IQSEC1: variants seen among roughly 807,000 people sequenced by gnomAD.
The protein encoded by IQSEC1 is IQ motif and SEC7 domain-containing protein 1.
In IQSEC1, 31 loss-of-function variants were observed where a neutral mutation model predicts 91.0. The observed-to-expected ratio is 0.34, with a 90% CI of 0.26 to 0.46. The LOEUF (loss-of-function observed/expected upper bound fraction) is 0.46, where lower values mean the gene tolerates loss of function less well. Ranked by LOEUF, IQSEC1 falls within the 20% of genes least tolerant of loss-of-function variation. The pLI is 1.00. For missense variants in IQSEC1, 1,388 were observed against 1,575.6 expected (o/e 0.88, Z 2.02); for synonymous variants, 699 against 662.6 (o/e 1.05, Z -0.84).
intron 2 of IQSEC1, among the ~76,000 whole-genome samples, chr3:13,091,053 G>A (rs1398337093): frequency 6.6e-6 from 1 of 152,172 alleles, no homozygotes; most frequent in Non-Finnish European, 1.5e-5. Context: ...CTGCCCTGAT[G>A]ACCCATTCTG....
chr3:12,968,948 C>T (rs1478161190), intron 1 of IQSEC1, among the ~76,000 whole-genome samples: 1 of 152,192 alleles, frequency 6.6e-6, no homozygotes, highest in Non-Finnish European at 1.5e-5. Flanking sequence ...GAGGGCAGCC[C>T]CTAAAGCCAG....
intron 1 of IQSEC1, among the ~76,000 whole-genome samples, chr3:13,271,028 T>A (rs1695582242): frequency 6.6e-6 from 1 of 152,162 alleles, no homozygotes. Context: ...TATACATTGT[T>A]ACTAGGGACT....
chr3:12,899,523 G>C lies in IQSEC1; in HGVS notation c.*1460C>G. ...GAGCGCATGGTGTCACCACAACACAGAAGCGACAAGAGCACAGCTGAGAGT... is the reference window on the plus strand; with the variant it reads ...GAGCGCATGGTGTCACCACAACACACAAGCGACAAGAGCACAGCTGAGAGT... On this transcript the variant is annotated 3_prime_UTR_variant, in exon 14 of 14. Transcript: ENST00000613206. The C allele has an allele frequency of 1.3e-6, 2 of 1,538,116 alleles. No individual in the cohort carries two copies. The highest frequency in any genetic ancestry group is 1.4e-5 in the African/African-American group (1 of 72,982).
chr3:13,160,333 T>A (rs1303113327), intron 2 of IQSEC1, among the ~76,000 whole-genome samples: 2 of 152,076 alleles, frequency 1.3e-5, no homozygotes, highest in Admixed American at 1.3e-4. Flanking sequence ...TTTTTTAAAT[T>A]TATTTTTGGT....
intron 1 of IQSEC1, among the ~76,000 whole-genome samples, chr3:13,223,796 GC>G (rs1694703952): frequency 2.0e-5 from 3 of 152,308 alleles, no homozygotes; most frequent in Middle Eastern, 6.8e-3. Context: ...GCCCATCTCA[GC>G]ATTTTCTAAA....
intron 2 of IQSEC1, among the ~76,000 whole-genome samples, chr3:13,160,580 T>A (rs1464655256): frequency 6.6e-6 from 1 of 152,232 alleles, no homozygotes; most frequent in African/African-American, 2.4e-5. Flanking sequence ...TCTCTGCCCA[T>A]TAATTTTAGT....
At chr3:12,907,540 G>T (rs555173537) in intron 12 of IQSEC1, among the ~76,000 whole-genome samples, 2 of 152,138 alleles carry the variant, frequency 1.3e-5, no homozygotes, top group South Asian at 4.1e-4. Context: ...ATACCCTCCC[G>T]TACACTCCTT....
chr3:12,902,530 G>T (rs1240854228), intron 13 of IQSEC1, among the ~76,000 whole-genome samples: 1 of 151,734 alleles, frequency 6.6e-6, no homozygotes, highest in Non-Finnish European at 1.5e-5. Context: ...AACAAGCGGT[G>T]AGAGGCATGG....
intron 1 of IQSEC1, among the ~76,000 whole-genome samples, chr3:13,268,146 C>A (rs1316472487): frequency 6.6e-6 from 1 of 152,204 alleles, no homozygotes; most frequent in African/African-American, 2.4e-5. Context: ...AATGCACACC[C>A]CTGAGCAGAG....
intron 1 of IQSEC1, among the ~76,000 whole-genome samples, chr3:13,199,595 A>G (rs1694200299): frequency 6.6e-6 from 1 of 152,130 alleles, no homozygotes; most frequent in Non-Finnish European, 1.5e-5. Flanking sequence ...GACCAAGGCC[A>G]GCCCCGCGAC....
intron 3 of IQSEC1, among the ~76,000 whole-genome samples, chr3:12,929,235 C>G (rs1380518437): frequency 1.3e-5 from 2 of 152,162 alleles, no homozygotes; most frequent in African/African-American, 4.8e-5. Flanking sequence ...TCCATGAGTT[C>G]GTACTCATAA....
chr3:13,081,502 C>T (rs546765808), intron 2 of IQSEC1, among the ~76,000 whole-genome samples: 77 of 152,290 alleles, frequency 5.1e-4, no homozygotes, highest in African/African-American at 1.8e-3. Flanking sequence ...CTCCTGGCAC[C>T]AATGGATCCT....
chr3:13,273,805 C>T (rs1410361743), intron 1 of IQSEC1, among the ~76,000 whole-genome samples: 2 of 152,154 alleles, frequency 1.3e-5, no homozygotes, highest in South Asian at 2.1e-4. Flanking sequence ...CCCCAGTGGG[C>T]CCACATGGCC....
At chr3:13,226,090 G>A (rs1447875796) in intron 1 of IQSEC1, among the ~76,000 whole-genome samples, 1 of 152,168 alleles carries the variant, frequency 6.6e-6, no homozygotes, top group African/African-American at 2.4e-5. Context: ...TGTTGGCCAA[G>A]CTGGTCTCGA....
At chr3:12,904,649 T>A (rs541911449) in intron 12 of IQSEC1, among the ~76,000 whole-genome samples, 1 of 152,064 alleles carries the variant, frequency 6.6e-6, no homozygotes, top group African/African-American at 2.4e-5. Flanking sequence ...TGTGGCGCCA[T>A]GTGGAAATGT....
chr3:13,106,002 G>A (rs1478139417), intron 2 of IQSEC1, among the ~76,000 whole-genome samples: 1 of 152,044 alleles, frequency 6.6e-6, no homozygotes, highest in Admixed American at 6.5e-5. Flanking sequence ...GGCAGCCCTG[G>A]GCTGGTTCCT....
intron 12 of IQSEC1, among the ~76,000 whole-genome samples, chr3:12,907,881 A>G (rs1240148110): frequency 6.6e-6 from 1 of 152,128 alleles, no homozygotes; most frequent in Admixed American, 6.5e-5. Context: ...CGGGTTTCCC[A>G]GGAGAGGAGG....
intron 1 of IQSEC1, among the ~76,000 whole-genome samples, chr3:13,209,489 T>C (rs957407998): frequency 2.6e-5 from 4 of 152,240 alleles, no homozygotes; most frequent in African/African-American, 9.6e-5. Flanking sequence ...CAGGCTGTGC[T>C]GGGGCCTCCT....
intron 2 of IQSEC1, among the ~76,000 whole-genome samples, chr3:13,158,716 CT>C (rs1707121630): frequency 2.6e-5 from 4 of 152,144 alleles, no homozygotes; most frequent in South Asian, 2.1e-4. Flanking sequence ...AATCCCAGCA[CT>C]TTAGGAGTCC....
Sources: allele counts gnomAD v4.1 joint callset (sites outside exome capture counted in the v4.1 genomes callset), GRCh38; gene constraint gnomAD v4.1.1; transcripts MANE v1.5; gene names NCBI Gene and HGNC (gene_info 2026-07-23, HGNC 2026-07-21).